Variants in ACP6 observed in about 807,000 individuals in gnomAD.
ACP6 encodes acid phosphatase 6, lysophosphatidic.
ACP6 carries 48 observed loss-of-function variants against 48.1 expected under a neutral mutation model. The observed-to-expected ratio is 1.00, with a 90% CI of 0.79 to 1.27. ACP6 has a LOEUF of 1.27. ACP6 is among the 50% of genes most tolerant of loss of function. The probability of loss-of-function intolerance (pLI) is 0.00; values close to 1 mark genes in which losing one functional copy is unlikely to be tolerated. For missense variants in ACP6, 485 were observed against 529.1 expected (o/e 0.92, Z 0.82); for synonymous variants, 172 against 204.2 (o/e 0.84, Z 1.34).
At chr1:147,659,575 G>T in intron 2 of ACP6, 49 bp from the exon 3 acceptor site, 1 of 1,613,730 alleles carries the variant, frequency 6.2e-7, no homozygotes, top group Non-Finnish European at 8.5e-7. Flanking sequence ...CTGACAGCCT[G>T]CTGAACTCAG....
chr1:147,646,583 A>T lies in ACP6; in HGVS notation c.*840T>A, dbSNP rs1445055187. 1 of 152,244 alleles carries T rather than the reference A, an allele frequency of 6.6e-6. No individual in the cohort carries two copies. Among genetic ancestry groups the T allele is most frequent in the Non-Finnish European group, 1.5e-5 (1 of 68,156 alleles). The allele number at this position is 152,244 out of a possible 1,614,324, so 9.4% of individuals were successfully genotyped here. On this transcript the variant is annotated 3_prime_UTR_variant, in exon 10 of 10. Coordinates refer to ENST00000583509, the MANE Select transcript of ACP6 (RefSeq NM_016361.5). ...GCAACATTGACAAGGAGATAGGGGG[A>T]TCATCAGGTACTCTTAGGGGGCACA...
chr1:147,647,286 C>G lies in ACP6; in HGVS notation c.*137G>C. 9.5e-7 allele frequency: 1 copy of G among 1,050,020 alleles called. No homozygotes were observed. Among genetic ancestry groups the G allele is most frequent in the Non-Finnish European group, 1.4e-6 (1 of 730,442 alleles). The allele number at this position is 1,050,020 out of a possible 1,614,324, so 65.0% of individuals were successfully genotyped here. The stretch of plus-strand genomic sequence containing the variant: ...GTTCAGGAAGAAATCTTAGTAAACC[C>G]ACAGAAAGGAAATATCCTTACATTA... On this transcript the variant is annotated 3_prime_UTR_variant, in exon 10 of 10. Coordinates refer to ENST00000583509, the MANE Select transcript of ACP6 (RefSeq NM_016361.5).
At chr1:147,632,172 T>C (rs1659184497) in intron 5 of ACP6, among the ~76,000 whole-genome samples, 1 of 147,064 alleles carries the variant, frequency 6.8e-6, no homozygotes. Context: ...CTGAGTACCC[T>C]GTCAAATACC....
rs1186109676 is a variant in ACP6 at position 147,669,934 on chromosome 1, C to T, written c.115G>A (p.Gly39Ser). 3 of 1,559,352 alleles carry T rather than the reference C, an allele frequency of 1.9e-6. No individual in the cohort carries two copies. The highest frequency in any genetic ancestry group is 1.7e-6 in the Non-Finnish European group (2 of 1,151,888). Residue 39 changes from glycine to serine, a missense_variant, in exon 1 of 10, where the codon GGC (glycine) becomes AGC (serine). Transcript: ENST00000583509. The part of the protein sequence containing the change: ...VALAELQEAD[G>S]QCPVDRSLLK... ...AGGCTGCGGTCGACCGGACACTGGC[C>T]ATCGGCCTCCTGCAGCTCGGCCAGG...
intron 5 of ACP6, among the ~76,000 whole-genome samples, chr1:147,634,130 A>C (rs587772009): frequency 6.6e-6 from 1 of 152,272 alleles, no homozygotes; most frequent in African/African-American, 2.4e-5. Context: ...CAATTTCTCT[A>C]GATTCTTATC....
chr1:147,652,556 G>T lies in ACP6; in HGVS notation c.781-7C>A. ...AGCTTGGGAGGTTGTGTGCCTGAAAGGGCCACATGTAGTTTTAGAAAAAAA... is the reference window on the plus strand; with the variant it reads ...AGCTTGGGAGGTTGTGTGCCTGAAATGGCCACATGTAGTTTTAGAAAAAAA... On this transcript the variant is annotated splice_polypyrimidine_tract_variant and splice_region_variant and intron_variant, in intron 6 of 9. Transcript: ENST00000583509. 1 of 1,613,982 alleles carries T rather than the reference G, an allele frequency of 6.2e-7. No homozygotes were observed. The highest frequency in any genetic ancestry group is 8.5e-7 in the Non-Finnish European group (1 of 1,179,994).
chr1:147,656,508 G>A (rs953578464), intron 4 of ACP6, among the ~76,000 whole-genome samples: 3 of 152,128 alleles, frequency 2.0e-5, no homozygotes, highest in Non-Finnish European at 4.4e-5. Context: ...CAAATGATCC[G>A]ATGCCGCCTC....
chr1:147,649,918 G>A (rs1553210191), intron 8 of ACP6: 2 of 519,844 alleles, frequency 3.8e-6, no homozygotes, highest in Non-Finnish European at 6.7e-6. Flanking sequence ...ATAAAAAAAA[G>A]AGAGAGAGAA....
Position 147,670,230 on chromosome 1 carries a change from CGGG to C in ACP6, c.-185_-183del. On this transcript the variant is annotated 5_prime_UTR_variant, in exon 1 of 10. Transcript: ENST00000583509. ...CCCTGAGGGAGACCCCGAGTGGGAA[CGGG>C]GGAGAGAACAAGAGGTGGCAGCAGC... 1 of 584,596 alleles carries C rather than the reference CGGG, an allele frequency of 1.7e-6. No individual in the cohort carries two copies. Among genetic ancestry groups the C allele is most frequent in the Non-Finnish European group, 3.0e-6 (1 of 336,354 alleles). 36.2% of individuals were successfully genotyped at this position (584,596 alleles called of 1,614,324 possible). A position where few individuals can be genotyped will look rare whatever the true frequency, so the allele number is the denominator to read the frequency against.
At chr1:147,654,158 G>A in intron 6 of ACP6, 36 bp downstream of exon 6, 1 of 1,606,424 alleles carries the variant, frequency 6.2e-7, no homozygotes, top group South Asian at 1.1e-5. Flanking sequence ...AGCCCACCAA[G>A]GCTATTATCC....
At chr1:147,640,778 G>T (rs1299422826), downstream of ACP6, among the ~76,000 whole-genome samples, 1 of 152,142 alleles carries the variant, frequency 6.6e-6, no homozygotes, top group Non-Finnish European at 1.5e-5. Flanking sequence ...TTATTTAAAG[G>T]CCAAACGGAG....
At chr1:147,662,487 A>G (rs1553212970) in intron 1 of ACP6, among the ~76,000 whole-genome samples, 1 of 152,214 alleles carries the variant, frequency 6.6e-6, no homozygotes, top group Non-Finnish European at 1.5e-5. Flanking sequence ...TTTGACTCCA[A>G]CCCTCATGGA....
intron 1 of ACP6, among the ~76,000 whole-genome samples, chr1:147,664,458 C>A (rs1553213262): frequency 6.6e-6 from 1 of 152,170 alleles, no homozygotes; most frequent in African/African-American, 2.4e-5. Flanking sequence ...TAAGACTTAG[C>A]TTAAGTGTTC....
intron 5 of ACP6, chr1:147,631,179 A>G (rs1553207318): frequency 1.3e-5 from 2 of 152,198 alleles, no homozygotes; most frequent in Non-Finnish European, 2.9e-5. Flanking sequence ...TCTGACAGGC[A>G]CCTCAAACTT....
intron 5 of ACP6, among the ~76,000 whole-genome samples, chr1:147,631,830 C>CA (rs1401961774): frequency 5.3e-5 from 8 of 151,446 alleles, no homozygotes; most frequent in African/African-American, 1.9e-4. Context: ...ACAACAACAA[C>CA]AACAAAAAAA....
At chr1:147,652,753 G>GA (rs372824445) in intron 6 of ACP6, 8,660 of 586,110 alleles carry the variant, frequency 0.015, 15 homozygotes, top group East Asian at 0.029. Flanking sequence ...TGAAGGCCAG[G>GA]AAAAAAAAAA....
At chr1:147,634,998 T>C (rs1659260091) in intron 5 of ACP6, among the ~76,000 whole-genome samples, 1 of 152,198 alleles carries the variant, frequency 6.6e-6, no homozygotes, top group Non-Finnish European at 1.5e-5. Flanking sequence ...CTAATAATGA[T>C]TGCTGCTTTC....
intron 8 of ACP6, among the ~76,000 whole-genome samples, chr1:147,648,802 G>T (rs1553210018): frequency 6.6e-6 from 1 of 152,184 alleles, no homozygotes. Flanking sequence ...CCTTGTTGGG[G>T]AAGCTTGAAG....
chr1:147,631,442 C>A (rs188974998), intron 5 of ACP6, among the ~76,000 whole-genome samples: 4 of 152,142 alleles, frequency 2.6e-5, no homozygotes, highest in Admixed American at 2.0e-4. Context: ...TCATTTATTA[C>A]GTGTTTGTTT....
Sources: allele counts gnomAD v4.1 joint callset (sites outside exome capture counted in the v4.1 genomes callset), GRCh38; gene constraint gnomAD v4.1.1; transcripts MANE v1.5; gene names NCBI Gene and HGNC (gene_info 2026-07-23, HGNC 2026-07-21).